NDUFA10: variants seen among roughly 807,000 people sequenced by gnomAD.
The protein encoded by NDUFA10 is NADH:ubiquinone oxidoreductase subunit A10.
In NDUFA10, 40 loss-of-function variants were observed where a neutral mutation model predicts 47.8. That is an observed-to-expected ratio of 0.84 (90% CI 0.65 to 1.09). NDUFA10 has a LOEUF of 1.09. NDUFA10 is among the 50% of genes least tolerant of loss of function. The probability of loss-of-function intolerance (pLI) is 0.00; values close to 1 mark genes in which losing one functional copy is unlikely to be tolerated. For missense variants in NDUFA10, 413 were observed against 451.1 expected (o/e 0.92, Z 0.76); for synonymous variants, 183 against 172.2 (o/e 1.06, Z -0.49).
At chr2:239,989,024 G>C (rs1559360391) in intron 9 of NDUFA10, among the ~76,000 whole-genome samples, 1 of 149,482 alleles carries the variant, frequency 6.7e-6, no homozygotes, top group Admixed American at 6.7e-5. Flanking sequence ...GACAGATAAG[G>C]GAGAAACAGC....
At chr2:240,022,074 TTTAA>T (rs1474910841) in intron 2 of NDUFA10, 94 bp downstream of exon 2, 2 of 945,822 alleles carry the variant, frequency 2.1e-6, no homozygotes, top group Non-Finnish European at 2.8e-6. Context: ...TTATTAAATA[TTTAA>T]TATTATTTAA....
intron 4 of NDUFA10, among the ~76,000 whole-genome samples, chr2:239,937,859 T>G (rs2106376902): frequency 6.6e-6 from 1 of 152,302 alleles, no homozygotes; most frequent in East Asian, 1.9e-4. Context: ...GCCATTCTGG[T>G]GGAAGCCCGA....
chr2:239,979,752 T>C (rs1695695035), intron 9 of NDUFA10, among the ~76,000 whole-genome samples: 1 of 152,104 alleles, frequency 6.6e-6, no homozygotes, highest in Non-Finnish European at 1.5e-5. Context: ...GAGACCCAGA[T>C]GATGCCACTC....
chr2:239,899,150 T>A (rs1475115382), intron 4 of NDUFA10, among the ~76,000 whole-genome samples: 1 of 8,696 alleles, frequency 1.1e-4, no homozygotes, highest in East Asian at 1.9e-3. Flanking sequence ...AGGGGTGTGA[T>A]GGAGGGGAGT....
At chr2:240,004,042 C>T (rs1051273879) in intron 8 of NDUFA10, among the ~76,000 whole-genome samples, 2 of 152,146 alleles carry the variant, frequency 1.3e-5, no homozygotes, top group African/African-American at 2.4e-5. Flanking sequence ...AGACACTGCC[C>T]GGGGTCACTG....
intron 3 of NDUFA10, among the ~76,000 whole-genome samples, chr2:240,020,759 T>C (rs1028316868): frequency 6.6e-6 from 1 of 152,190 alleles, no homozygotes; most frequent in Non-Finnish European, 1.5e-5. Context: ...CGTGGCTTTA[T>C]GGTGATTCCG....
intron 9 of NDUFA10, chr2:239,983,380 T>C: frequency 5.1e-6 from 7 of 1,375,748 alleles, no homozygotes; most frequent in Non-Finnish European, 6.8e-6. Context: ...ATGTCTCTGA[T>C]GGACAAAAGG....
At chr2:239,922,508 G>A (rs903433440) in intron 4 of NDUFA10, among the ~76,000 whole-genome samples, 1 of 152,198 alleles carries the variant, frequency 6.6e-6, no homozygotes, top group Non-Finnish European at 1.5e-5. Context: ...TGTCTTTCTC[G>A]GATAGTGACC....
rs1193381794 is a variant in NDUFA10, at chr2:239,957,883, C to T, written c.*3235G>A. ...TCTGCTGAGAAGAGGCTCCTTTTCC[C>T]AAGGGAAGCTCGCTGCTTCGAGTCA... On this transcript the variant is annotated 3_prime_UTR_variant, in exon 10 of 10. Transcript: ENST00000252711. 6.6e-6 allele frequency: 1 copy of T among 152,228 alleles called. No individual in the cohort carries two copies. Among genetic ancestry groups the T allele is most frequent in the Non-Finnish European group, 1.5e-5 (1 of 68,054 alleles). The allele number at this position is 152,228 out of a possible 1,614,324, so 9.4% of individuals were successfully genotyped here.
At chr2:239,916,730 T>C (rs1396486548) in intron 4 of NDUFA10, among the ~76,000 whole-genome samples, 1 of 152,238 alleles carries the variant, frequency 6.6e-6, no homozygotes, top group Non-Finnish European at 1.5e-5. Context: ...CTGCCACCTC[T>C]GGGGTGGAAG....
At chr2:239,915,320 A>C (rs1693841638) in intron 4 of NDUFA10, among the ~76,000 whole-genome samples, 1 of 151,084 alleles carries the variant, frequency 6.6e-6, no homozygotes, top group East Asian at 1.9e-4. Context: ...AAACATACAC[A>C]CACACACAGA....
intron 5 of NDUFA10, chr2:239,895,122 C>A (rs13419982): frequency 0.15 from 44,538 of 301,400 alleles, 3,707 homozygotes; most frequent in South Asian, 0.2. Context: ...TCTTCCTTAT[C>A]CCCACCATCC....
intron 9 of NDUFA10, among the ~76,000 whole-genome samples, chr2:239,983,913 C>G (rs896726565): frequency 6.6e-6 from 1 of 152,096 alleles, no homozygotes; most frequent in Non-Finnish European, 1.5e-5. Context: ...CTAAGGTAAT[C>G]TGAATAATTC....
chr2:239,904,226 G>A (rs1003656272), intron 4 of NDUFA10, among the ~76,000 whole-genome samples: 3 of 152,068 alleles, frequency 2.0e-5, no homozygotes, highest in African/African-American at 2.4e-5. Context: ...ACTTCGCCCC[G>A]TACCCAACCC....
At position 239,961,112 on chromosome 2, in the gene NDUFA10, G is replaced by A; in HGVS notation, c.*6C>T. ...TGTGATGCAGCTGGAGCAGAAGGCGGCCCGTTCACTTCAGCCAGATCCACT... is the reference window on the plus strand; with the variant it reads ...TGTGATGCAGCTGGAGCAGAAGGCGACCCGTTCACTTCAGCCAGATCCACT... On this transcript the variant is annotated 3_prime_UTR_variant, in exon 10 of 10. Coordinates refer to ENST00000252711, the MANE Select transcript of NDUFA10 (RefSeq NM_004544.4). 3 of 1,614,150 alleles carry A rather than the reference G, an allele frequency of 1.9e-6. No homozygotes were observed. Among genetic ancestry groups the A allele is most frequent in the Non-Finnish European group, 2.5e-6 (3 of 1,180,026 alleles).
intron 9 of NDUFA10, among the ~76,000 whole-genome samples, chr2:239,989,128 T>A (rs537838894): frequency 6.6e-6 from 1 of 152,348 alleles, no homozygotes; most frequent in South Asian, 2.1e-4. Flanking sequence ...ACACAGATTA[T>A]TAACCGCAGG....
chr2:240,016,850 G>A lies in NDUFA10; in HGVS notation c.547+1703C>T, dbSNP rs1381649959. On this transcript the variant is annotated intron_variant, in intron 4 of 9. Transcript: ENST00000252711. This position sits in a 1 kb window ranked among gnomAD's most constrained non-coding sequence, Gnocchi z 4.4. ...GCCGACAGGTATCTCCTGCCACCTT[G>A]CCATGGGAACCTCACACTCAGGAAT... is the stretch of plus-strand genomic sequence containing the variant. 6.6e-6 allele frequency among the ~76,000 whole-genome samples: 1 copy of A among 152,098 alleles called. No homozygotes were observed. The highest frequency in any genetic ancestry group is 2.4e-5 in the African/African-American group (1 of 41,416).
intron 9 of NDUFA10, among the ~76,000 whole-genome samples, chr2:239,975,362 CA>C (rs1326224030): frequency 6.6e-6 from 1 of 152,216 alleles, no homozygotes; most frequent in Non-Finnish European, 1.5e-5. Flanking sequence ...TTATTTATAG[CA>C]ATGCGAGAAC....
intron 4 of NDUFA10, among the ~76,000 whole-genome samples, chr2:239,899,020 TCATGGAGGG>T (rs1574761713): frequency 1.2e-5 from 1 of 83,314 alleles, no homozygotes; most frequent in East Asian, 3.6e-4. Context: ...TGGAGGGGAG[TCATGGAGGG>T]GTGTAAAGGA....
Sources: gnomAD v4.1 joint callset for allele counts (sites outside exome capture counted in the v4.1 genomes callset) on GRCh38, gnomAD v4.1.1 for gene constraint, Gnocchi (gnomAD v3.1) non-coding constraint, MANE v1.5 for transcripts, NCBI Gene and HGNC (gene_info 2026-07-23, HGNC 2026-07-21) for gene names.